GC: variants seen among roughly 807,000 people sequenced by gnomAD.
GC encodes vitamin D-binding protein.
In GC, 43 loss-of-function variants were observed where a neutral mutation model predicts 56.7. The observed-to-expected ratio is 0.76, with a 90% CI of 0.59 to 0.98. The LOEUF (loss-of-function observed/expected upper bound fraction) is 0.98, where lower values mean the gene tolerates loss of function less well. GC is among the 50% of genes least tolerant of loss of function. GC has a pLI of 0.00. For missense variants in GC, 529 were observed against 545.9 expected, an observed-to-expected ratio of 0.97 and a Z score of 0.31; for synonymous variants, 216 against 202.7, an observed-to-expected ratio of 1.07 and a Z score of -0.56.
chr4:71,746,788 A>AAAAAAAAAAAAACAAACAAAC (rs1741386781), intron 11 of GC, among the ~76,000 whole-genome samples: 1 of 151,414 alleles, frequency 6.6e-6, no homozygotes, highest in African/African-American at 2.4e-5. Context: ...AAAAAAAAAA[A>AAAAAAAAAAAAACAAACAAAC]AAAAAAACTA....
chr4:71,742,834 C>T (rs530670060), intron 12 of GC, among the ~76,000 whole-genome samples: 57 of 152,230 alleles, frequency 3.7e-4, no homozygotes, highest in South Asian at 1.7e-3. Context: ...ATTAGCCAGG[C>T]GTGGTGGCGG....
chr4:71,784,678 C>A (rs1360950358), upstream of GC, among the ~76,000 whole-genome samples: 2 of 151,686 alleles, frequency 1.3e-5, no homozygotes, highest in Non-Finnish European at 3.0e-5. Context: ...GAAGCACTGA[C>A]ATATATATGA....
Position 71,758,109 on chromosome 4 carries a change from G to C in GC, c.764C>G (p.Ala255Gly). 6.2e-7 allele frequency: 1 copy of C among 1,613,002 alleles called. No individual in the cohort carries two copies. Among genetic ancestry groups the C allele is most frequent in the South Asian group, 1.1e-5 (1 of 91,042 alleles). The change falls in exon 7 of 13, where the codon GCT (alanine) becomes GGT (glycine). Residue 255 changes from alanine to glycine, a missense_variant. Physicochemically the swap from Ala to Gly is moderately conservative, Grantham distance 60. Transcript: ENST00000273951. ...TADLEDVLPL[A>G]EDITNILSKC... ...GGAGAGGATGTTAGTAATATCTTCA[G>C]CTAGTGGCAAAACATCCTCCAGATC...
chr4:71,742,673 ATAAT>A (rs1741220831), intron 12 of GC, among the ~76,000 whole-genome samples: 1 of 152,186 alleles, frequency 6.6e-6, no homozygotes, highest in Non-Finnish European at 1.5e-5. Context: ...GCTTTGTGAG[ATAAT>A]TAAGAGACAG....
At chr4:71,747,576 T>A (rs567472677) in intron 11 of GC, among the ~76,000 whole-genome samples, 1 of 152,276 alleles carries the variant, frequency 6.6e-6, no homozygotes, top group East Asian at 1.9e-4. Flanking sequence ...AAATGTTTAT[T>A]AGATTTAACA....
chr4:71,783,848 CA>C lies in GC; in HGVS notation c.58+112del, dbSNP rs929421067. ...CCTCTCTGGTCCTTATCCCTCTCCC[CA>C]ACATATTCACCAGTTCTTCTGTTTC... On this transcript the variant is annotated intron_variant, in intron 1 of 12. Transcript: ENST00000273951. 52 of 701,684 alleles carry C rather than the reference CA, an allele frequency of 7.4e-5. No homozygotes were observed. In the African/African-American group the frequency reaches 9.4e-4, roughly 13 times the overall value. 43.5% of individuals were successfully genotyped at this position (701,684 alleles called of 1,614,324 possible).
intron 3 of GC, among the ~76,000 whole-genome samples, 161 bp downstream of exon 3, chr4:71,768,140 T>C (rs933696871): frequency 2.6e-5 from 4 of 152,230 alleles, no homozygotes; most frequent in Non-Finnish European, 4.4e-5. Flanking sequence ...TGACTCATTA[T>C]GTTAGAATAA....
At chr4:71,763,695 C>T in intron 5 of GC, 109 bp downstream of exon 5, 1 of 944,152 alleles carries the variant, frequency 1.1e-6, no homozygotes, top group Non-Finnish European at 1.6e-6. Context: ...GCAAGGGTGG[C>T]ATTTTAGAAA....
chr4:71,804,380 G>A (rs545730835), upstream of GC, among the ~76,000 whole-genome samples: 1 of 152,312 alleles, frequency 6.6e-6, no homozygotes, highest in South Asian at 2.1e-4. Context: ...CAGTCACGCA[G>A]TGTGGGCTAA....
intron 1 of GC, among the ~76,000 whole-genome samples, chr4:71,778,891 G>GTTATTGTTATTATTATTATTATTA (rs71213587): frequency 1.4e-5 from 2 of 143,318 alleles, no homozygotes; most frequent in African/African-American, 2.6e-5. Context: ...ATTGCTGTCA[G>GTTATTGTTATTATTATTATTATTA]TTATTATTAT....
At chr4:71,757,303 G>A (rs1741810534) in intron 7 of GC, among the ~76,000 whole-genome samples, 1 of 152,072 alleles carries the variant, frequency 6.6e-6, no homozygotes, top group African/African-American at 2.4e-5. Flanking sequence ...AGGCAACAGA[G>A]TCCTATTTAG....
rs149416864 is a variant in GC at position 71,759,334 on chromosome 4, T to C, written c.702-1163A>G. On this transcript the variant is annotated intron_variant, in intron 6 of 12. Transcript: ENST00000273951. ...ATTGATGGATTACATGTTAATTCTA[T>C]TTTTAATGTTTTGAGGGACTTCCAT... Among the ~76,000 whole-genome samples, 707 of 152,334 alleles carry C rather than the reference T, an allele frequency of 4.6e-3. 6 individuals carry two copies. The highest frequency in any genetic ancestry group is 0.016 in the African/African-American group (655 of 41,580).
intron 1 of GC, among the ~76,000 whole-genome samples, chr4:71,798,973 A>G (rs910828055): frequency 3.3e-5 from 5 of 152,206 alleles, no homozygotes; most frequent in African/African-American, 7.2e-5. Flanking sequence ...ATGAAATTCA[A>G]TGGGTTTTGG....
chr4:71,757,894 T>C, intron 7 of GC, 148 bp downstream of exon 7: 2 of 619,542 alleles, frequency 3.2e-6, no homozygotes, highest in East Asian at 2.9e-5. Flanking sequence ...TGTACAGTGA[T>C]GTTAATAATT....
At chr4:71,797,893 G>T (rs1404592917) in intron 1 of GC, among the ~76,000 whole-genome samples, 1 of 152,172 alleles carries the variant, frequency 6.6e-6, no homozygotes, top group East Asian at 1.9e-4. Context: ...TCAAATTTAT[G>T]TAATGTCCAA....
In GC at chr4:71,756,909, A is replaced by C. The variant is rs200364313; in HGVS notation, c.837T>G (p.Pro279=). 2.9e-5 allele frequency: 47 copies of C among 1,607,324 alleles called. No individual in the cohort carries two copies. In the East Asian group the frequency reaches 1.0e-3, roughly 35 times the overall value. Residue 279 remains proline (P), a synonymous_variant, in exon 8 of 13, where the codon CCT becomes CCG. Coordinates refer to ENST00000273951, the MANE Select transcript of GC (RefSeq NM_000583.4). ...TGTCACAGAGTTTTACTGTGTGTTC[A>C]GGCAGCTACAAAACGAATGGTTAGT... ...ASEDCMAKEL[P]EHTVKLCDNL...
intron 1 of GC, among the ~76,000 whole-genome samples, chr4:71,801,933 G>T (rs1743264055): frequency 7.0e-6 from 1 of 143,594 alleles, no homozygotes. Flanking sequence ...CAATTACAAT[G>T]CTTAGATTAA....
chr4:71,743,716 A>G (rs1201682469), intron 12 of GC, among the ~76,000 whole-genome samples: 2 of 152,240 alleles, frequency 1.3e-5, no homozygotes, highest in Admixed American at 6.5e-5. Flanking sequence ...TGAACAAGGT[A>G]TAATTTGCTT....
chr4:71,758,451 T>C (rs1741857704), intron 6 of GC, among the ~76,000 whole-genome samples: 1 of 152,202 alleles, frequency 6.6e-6, no homozygotes, highest in Admixed American at 6.5e-5. Flanking sequence ...ATGTTAGATC[T>C]AAAGCATCAA....
Sources: gnomAD v4.1 joint callset for allele counts (sites outside exome capture counted in the v4.1 genomes callset) on GRCh38, gnomAD v4.1.1 for gene constraint, MANE v1.5 for transcripts, NCBI Gene and HGNC (gene_info 2026-07-23, HGNC 2026-07-21) for gene names.